The following CCDC183 variants were observed in gnomAD, a reference collection of about 807,000 sequenced individuals.
CCDC183 encodes coiled-coil domain containing 183.
A neutral mutation model predicts 65.2 loss-of-function variants in CCDC183; 63 were observed. That is an observed-to-expected ratio of 0.97 (90% CI 0.79 to 1.19). The LOEUF (loss-of-function observed/expected upper bound fraction) is 1.19, where lower values mean the gene tolerates loss of function less well. Among genes scored for constraint, CCDC183 ranks in the 50% most tolerant of loss-of-function variants. The pLI is 0.00. For missense variants in CCDC183, 769 were observed against 689.3 expected (o/e 1.12, Z -1.30); for synonymous variants, 323 against 276.5 (o/e 1.17, Z -1.67).
In CCDC183 at chr9:136,804,421, C is replaced by A; in HGVS notation, c.667-81C>A. On this transcript the variant is annotated intron_variant, in intron 6 of 13. Coordinates refer to ENST00000338005, the MANE Select transcript of CCDC183 (RefSeq NM_001039374.5). The surrounding 1 kb of genome is among the most constrained non-coding windows in gnomAD (Gnocchi z 4.1). ...CCAAAGTCTAGTAAGGTGAGCATGG[C>A]CAACCGCCCGCTGGCTTTACTGCCA... The A allele has an allele frequency of 6.6e-7, 1 of 1,517,066 alleles. No individual in the cohort carries two copies. Among genetic ancestry groups the A allele is most frequent in the Non-Finnish European group, 8.8e-7 (1 of 1,131,618 alleles). 94.0% of individuals were successfully genotyped at this position (1,517,066 alleles called of 1,614,324 possible).
chr9:136,807,260 C>A (rs547932378), intron 13 of CCDC183, 194 bp downstream of exon 13: 5 of 644,574 alleles, frequency 7.8e-6, no homozygotes, highest in Non-Finnish European at 1.3e-5. Context: ...CACTGAAATA[C>A]CTTGTTAATT....
rs1238071344 is a variant in CCDC183, at chr9:136,799,089, C to T, written c.71-13C>T. ...CCAATCCTAGCCACTGTGTCCCCTC[C>T]ACCTGCCCACAGAGCAGTGTCGGGC... On this transcript the variant is annotated splice_polypyrimidine_tract_variant and intron_variant, in intron 1 of 13. Coordinates refer to ENST00000338005, the MANE Select transcript of CCDC183 (RefSeq NM_001039374.5). The T allele has an allele frequency of 6.2e-7, 1 of 1,612,764 alleles. No homozygotes were observed. Among genetic ancestry groups the T allele is most frequent in the African/African-American group, 1.3e-5 (1 of 75,040 alleles).
Position 136,800,159 on chromosome 9 carries a change from G to C in CCDC183, c.428G>C (p.Arg143Pro). 1 of 1,534,020 alleles carries C rather than the reference G, an allele frequency of 6.5e-7. No homozygotes were observed. Among genetic ancestry groups the C allele is most frequent in the Non-Finnish European group, 8.7e-7 (1 of 1,145,680 alleles). ...CCCGACGCCAGCAAGGAGGAGCTGC[G>C]GCTGCTGCAGGTGGAGAGGCGGGGC... ...SQPDASKEEL[R>P]LLQIIRQLEN... Residue 143 changes from arginine to proline, a missense_variant, in exon 4 of 14, where the codon CGG becomes CCG. Transcript: ENST00000338005.
At chr9:136,800,304 G>C (rs140781146) in intron 4 of CCDC183, 85 bp from the exon 5 acceptor site, 9 of 1,466,414 alleles carry the variant, frequency 6.1e-6, no homozygotes, top group African/African-American at 5.6e-5. Context: ...AAGAGAGCAC[G>C]ACCCTCTCCG....
chr9:136,797,256 G>A lies in CCDC183; in HGVS notation c.70+789G>A, dbSNP rs564642795. 9.4e-4 allele frequency among the ~76,000 whole-genome samples: 143 copies of A among 152,162 alleles called. No individual in the cohort carries two copies. In the South Asian group the frequency reaches 0.013, roughly 14 times the overall value. ...ACTTATTCATGATAAAGATTCCTTT[G>A]CTCACATGTTTCCCTGCTGACGTTC... On this transcript the variant is annotated intron_variant, in intron 1 of 13. Coordinates refer to ENST00000338005, the MANE Select transcript of CCDC183 (RefSeq NM_001039374.5).
intron 8 of CCDC183, 181 bp from the exon 9 acceptor site, chr9:136,805,176 G>C: frequency 1.7e-6 from 1 of 605,222 alleles, no homozygotes; most frequent in Admixed American, 2.9e-5. Flanking sequence ...TGCCTGGGGC[G>C]TCCCTGCAGG....
chr9:136,799,365 G>A (rs1039991656), intron 2 of CCDC183, 142 bp downstream of exon 2: 28 of 1,315,078 alleles, frequency 2.1e-5, no homozygotes, highest in Admixed American at 5.9e-5. Context: ...GGCTCTGCTA[G>A]GACCTGTGCC....
intron 2 of CCDC183, 169 bp from the exon 3 acceptor site, chr9:136,799,544 A>G: frequency 1.4e-6 from 1 of 699,378 alleles, no homozygotes; most frequent in Non-Finnish European, 2.4e-6. Flanking sequence ...TCGCCTCCGA[A>G]CTTGGATGGC....
chr9:136,804,897 AC>A lies in CCDC183; in HGVS notation c.847+84del. On this transcript the variant is annotated intron_variant, in intron 8 of 13. Transcript: ENST00000338005. This position sits in a 1 kb window ranked among gnomAD's most constrained non-coding sequence, Gnocchi z 4.1. ...CTGATTCAGGCCAACGGATCAAGTCACCCTGAGGCCAGGTGTGACATGTGGT... is the reference window on the plus strand; with the variant it reads ...CTGATTCAGGCCAACGGATCAAGTCACCTGAGGCCAGGTGTGACATGTGGT... The A allele has an allele frequency of 8.0e-7, 1 of 1,242,940 alleles. No individual in the cohort carries two copies. Among genetic ancestry groups the A allele is most frequent in the East Asian group, 2.4e-5 (1 of 42,278 alleles). 77.0% of individuals were successfully genotyped at this position (1,242,940 alleles called of 1,614,324 possible).
intron 1 of CCDC183, among the ~76,000 whole-genome samples, chr9:136,797,507 C>T (rs186082939): frequency 1.3e-5 from 2 of 151,590 alleles, no homozygotes; most frequent in Admixed American, 6.6e-5. Flanking sequence ...GGCGCGATCT[C>T]GGCTCACTGC....
At chr9:136,799,975 G>T (rs1437412110) in intron 3 of CCDC183, 27 bp from the exon 4 acceptor site, 2 of 1,570,144 alleles carry the variant, frequency 1.3e-6, no homozygotes, top group African/African-American at 1.3e-5. Context: ...ACGCAACCAC[G>T]AGTGGGCGGT....
intron 2 of CCDC183, 190 bp from the exon 3 acceptor site, chr9:136,799,523 C>T: frequency 3.0e-6 from 2 of 675,256 alleles, no homozygotes; most frequent in Non-Finnish European, 5.0e-6. Flanking sequence ...TCTGCATACC[C>T]CCCTACCACG....
intron 5 of CCDC183, among the ~76,000 whole-genome samples, chr9:136,801,395 C>T (rs921960291): frequency 1.3e-5 from 2 of 150,122 alleles, no homozygotes; most frequent in Non-Finnish European, 3.0e-5. Flanking sequence ...CTGTTTAGAA[C>T]ATACACACTT....
intron 8 of CCDC183, chr9:136,805,037 G>A: frequency 1.7e-6 from 1 of 599,232 alleles, no homozygotes; most frequent in Non-Finnish European, 3.0e-6. Flanking sequence ...CTGCACCAAG[G>A]GCCCAGTCCC....
At position 136,800,020 on chromosome 9, in the gene CCDC183, CGCAA is replaced by C; in HGVS notation, c.291_294del (p.Lys98ThrfsTer6). The C allele has an allele frequency of 6.3e-7, 1 of 1,590,312 alleles. No homozygotes were observed. The highest frequency in any genetic ancestry group is 1.3e-5 in the African/African-American group (1 of 74,766). On this transcript the variant is annotated frameshift_variant, in exon 4 of 14. Coordinates refer to ENST00000338005, the MANE Select transcript of CCDC183 (RefSeq NM_001039374.5). LOFTEE classifies it high-confidence loss of function. ...GACCCAGGTGGTGCGGGAGAAGCTG[CGCAA>C]GTACGTCTTCGACCGCGTGAACATG... is the stretch of plus-strand genomic sequence containing the variant.
At chr9:136,799,849 C>T (rs375978347) in intron 3 of CCDC183, 59 bp downstream of exon 3, 43 of 1,537,542 alleles carry the variant, frequency 2.8e-5, no homozygotes, top group Non-Finnish European at 3.7e-5. Flanking sequence ...AGCACCCCCC[C>T]ACTAGATGTT....
Position 136,807,529 on chromosome 9 carries a change from A to G in CCDC183, c.1487-43A>G, listed in dbSNP as rs770985997. The stretch of plus-strand genomic sequence containing the variant: ...AGAGGCGGGTCGGGCGGCTGCGCCT[A>G]GCTGGGCTAGCCCCGTGTGCGAGCC... On this transcript the variant is annotated intron_variant, in intron 13 of 13. Coordinates refer to ENST00000338005, the MANE Select transcript of CCDC183 (RefSeq NM_001039374.5). 37 of 1,518,020 alleles carry G rather than the reference A, an allele frequency of 2.4e-5. No homozygotes were observed. The Admixed American group carries it at 6.1e-4, about 25-fold the overall frequency. The allele number at this position is 1,518,020 out of a possible 1,614,324, so 94.0% of individuals were successfully genotyped here. A position where few individuals can be genotyped will look rare whatever the true frequency, so the allele number is the denominator to read the frequency against.
intron 9 of CCDC183, 66 bp downstream of exon 9, chr9:136,805,523 C>T (rs914295856): frequency 6.6e-6 from 9 of 1,362,824 alleles, no homozygotes; most frequent in Non-Finnish European, 9.3e-6. Context: ...CTGGGTAATG[C>T]TCCCTGGCAC....
At chr9:136,803,147 T>G (rs7048415) in intron 6 of CCDC183, among the ~76,000 whole-genome samples, 12 of 20,424 alleles carry the variant, frequency 5.9e-4, no homozygotes, top group African/African-American at 7.6e-4. Context: ...GGCCCAGGGC[T>G]GGGGCCCCCC....
Sources: allele counts gnomAD v4.1 joint callset (sites outside exome capture counted in the v4.1 genomes callset), GRCh38; gene constraint gnomAD v4.1.1; non-coding constraint Gnocchi (gnomAD v3.1); transcripts MANE v1.5; gene names NCBI Gene and HGNC (gene_info 2026-07-23, HGNC 2026-07-21).